ASAP2: variants seen among roughly 807,000 people sequenced by gnomAD.
ASAP2 encodes ArfGAP with SH3 domain, ankyrin repeat and PH domain 2, also known as arf-GAP with SH3 domain, ANK repeat and PH domain-containing protein 2.
A neutral mutation model predicts 131.4 loss-of-function variants in ASAP2; 45 were observed. The ratio of observed to expected loss-of-function variants is 0.34; its 90% confidence interval spans 0.27 to 0.44. ASAP2 has a LOEUF of 0.44. Ranked by LOEUF, ASAP2 falls within the 20% of genes least tolerant of loss-of-function variation. The probability of loss-of-function intolerance (pLI) is 1.00; values close to 1 mark genes in which losing one functional copy is unlikely to be tolerated. For synonymous variants in ASAP2, 510 were observed against 503.0 expected (o/e 1.01, Z -0.19); for missense variants, 1,011 against 1,297.0 (o/e 0.78, Z 3.39).
chr2:9,330,375 A>G (rs542285206), intron 7 of ASAP2, among the ~76,000 whole-genome samples: 2 of 152,342 alleles, frequency 1.3e-5, no homozygotes, highest in South Asian at 2.1e-4. Context: ...AGGCATACCC[A>G]TGGATGTAGA....
At chr2:9,211,325 A>C (rs1661533202) in intron 1 of ASAP2, among the ~76,000 whole-genome samples, 1 of 152,226 alleles carries the variant, frequency 6.6e-6, no homozygotes, top group Non-Finnish European at 1.5e-5. Flanking sequence ...TTTTGGAAAT[A>C]ATGGAAAAAA....
At chr2:9,394,292 G>A (rs981385413) in intron 24 of ASAP2, among the ~76,000 whole-genome samples, 1 of 150,966 alleles carries the variant, frequency 6.6e-6, no homozygotes, top group African/African-American at 2.4e-5. Context: ...AGCCTCCCGA[G>A]TAGCTGGGAC....
At chr2:9,307,412 C>G (rs927572486) in intron 3 of ASAP2, among the ~76,000 whole-genome samples, 2 of 152,212 alleles carry the variant, frequency 1.3e-5, no homozygotes, top group African/African-American at 4.8e-5. Context: ...AACCTGGATT[C>G]TTGGAGGTAA....
rs775376099 is a variant in ASAP2, at chr2:9,344,717, C to T, written c.954-14C>T. 1 of 1,613,954 alleles carries T rather than the reference C, an allele frequency of 6.2e-7. No homozygotes were observed. Among genetic ancestry groups the T allele is most frequent in the Non-Finnish European group, 8.5e-7 (1 of 1,179,860 alleles). The stretch of plus-strand genomic sequence containing the variant: ...ATGTCTAAACTCTTATTGTTTCTCC[C>T]ACTTATCCACAAGGATCCGAAAAGT... On this transcript the variant is annotated splice_polypyrimidine_tract_variant and intron_variant, in intron 10 of 27. Coordinates refer to ENST00000281419, the MANE Select transcript of ASAP2 (RefSeq NM_003887.3).
In ASAP2 at chr2:9,268,204, G is replaced by T. The variant is rs1020538811; in HGVS notation, c.127-11113G>T. Among the ~76,000 whole-genome samples the T allele has an allele frequency of 1.7e-4, 26 of 152,154 alleles. No homozygotes were observed. The highest frequency in any genetic ancestry group is 4.4e-5 in the Non-Finnish European group (3 of 68,034). ...TTCCGTTGCTGTGTAGCATTCTGTTGTACGAATGTCCATCATCAGTTTATT... is the reference window on the plus strand; with the variant it reads ...TTCCGTTGCTGTGTAGCATTCTGTTTTACGAATGTCCATCATCAGTTTATT... On this transcript the variant is annotated intron_variant, in intron 1 of 27. Coordinates refer to ENST00000281419, the MANE Select transcript of ASAP2 (RefSeq NM_003887.3). This position sits in a 1 kb window ranked among gnomAD's most constrained non-coding sequence, Gnocchi z 4.1.
intron 11 of ASAP2, among the ~76,000 whole-genome samples, chr2:9,347,357 G>A (rs1341665004): frequency 6.6e-6 from 1 of 152,156 alleles, no homozygotes; most frequent in Non-Finnish European, 1.5e-5. Context: ...CTTTTGGTTT[G>A]GTTTGGTTTT....
chr2:9,288,353 C>T (rs994479926), intron 2 of ASAP2, among the ~76,000 whole-genome samples: 27 of 152,164 alleles, frequency 1.8e-4, no homozygotes, highest in African/African-American at 6.0e-4. Flanking sequence ...TAGCTACTAT[C>T]TGAGGCTTTA....
chr2:9,324,863 T>C (rs1299196606), intron 6 of ASAP2, among the ~76,000 whole-genome samples: 1 of 152,232 alleles, frequency 6.6e-6, no homozygotes, highest in African/African-American at 2.4e-5. Flanking sequence ...GTTTTTCTTA[T>C]CAGTTTGACA....
At chr2:9,350,538 A>T in intron 11 of ASAP2, 1 of 337,320 alleles carries the variant, frequency 3.0e-6, no homozygotes, top group East Asian at 4.6e-5. Context: ...CAGCAGCCTC[A>T]AAGCTGGCAT....
At chr2:9,214,196 T>G (rs1395903632) in intron 1 of ASAP2, among the ~76,000 whole-genome samples, 1 of 152,198 alleles carries the variant, frequency 6.6e-6, no homozygotes, top group Non-Finnish European at 1.5e-5. Flanking sequence ...GGCCTCCAAG[T>G]GGATTGCTAG....
At position 9,220,057 on chromosome 2, in the gene ASAP2, G is replaced by A. The variant is rs566591537; in HGVS notation, c.126+12827G>A. ...TTGTACTTTATTTCTTTTTATGGCT[G>A]AATAATATTCTATCAAATGTGTATG... is the stretch of plus-strand genomic sequence containing the variant. On this transcript the variant is annotated intron_variant, in intron 1 of 27. Transcript: ENST00000281419. Among the ~76,000 whole-genome samples the A allele has an allele frequency of 3.9e-5, 6 of 152,212 alleles. 1 individual carries two copies. Among genetic ancestry groups the A allele is most frequent in the African/African-American group, 1.4e-4 (6 of 41,536 alleles).
At chr2:9,302,059 G>C (rs1363027273) in intron 3 of ASAP2, among the ~76,000 whole-genome samples, 1 of 149,330 alleles carries the variant, frequency 6.7e-6, no homozygotes, top group Non-Finnish European at 1.5e-5. Flanking sequence ...TCCTGACCTC[G>C]TGATCCACCC....
intron 1 of ASAP2, among the ~76,000 whole-genome samples, chr2:9,242,158 T>C (rs1316723121): frequency 2.0e-5 from 3 of 152,150 alleles, no homozygotes; most frequent in Non-Finnish European, 2.9e-5. Context: ...TGAAACTTTT[T>C]TTTTATTTGG....
At chr2:9,400,264 CTTCCT>C (rs1330749926) in intron 25 of ASAP2, among the ~76,000 whole-genome samples, 192 bp downstream of exon 25, 24 of 115,958 alleles carry the variant, frequency 2.1e-4, no homozygotes, top group African/African-American at 7.3e-4. Context: ...CTCCTGCCCT[CTTCCT>C]CTCCTTCCTT....
intron 9 of ASAP2, among the ~76,000 whole-genome samples, chr2:9,343,571 C>T (rs1298043246): frequency 2.0e-5 from 3 of 152,170 alleles, no homozygotes; most frequent in African/African-American, 4.8e-5. Context: ...TTCAGCCTCC[C>T]GCATACCTGG....
rs1677108667 is a variant in ASAP2 at position 9,405,169 on chromosome 2, C to G, written c.*1842C>G. 6.6e-6 allele frequency: 1 copy of G among 152,168 alleles called. No homozygotes were observed. The allele number at this position is 152,168 out of a possible 1,614,324, so 9.4% of individuals were successfully genotyped here. A position where few individuals can be genotyped will look rare whatever the true frequency, so the allele number is the denominator to read the frequency against. On this transcript the variant is annotated 3_prime_UTR_variant, in exon 28 of 28. Transcript: ENST00000281419. ...AATACCTAGGAAATATTTTTCCAGT[C>G]TACAATTTGGTGCTATTGTGCAGTA...
intron 15 of ASAP2, among the ~76,000 whole-genome samples, chr2:9,367,864 G>A (rs948722433): frequency 6.6e-6 from 1 of 152,236 alleles, no homozygotes; most frequent in African/African-American, 2.4e-5. Flanking sequence ...TAGTGTTTCA[G>A]TTTACTGTTT....
intron 2 of ASAP2, among the ~76,000 whole-genome samples, chr2:9,289,094 T>C (rs1425050923): frequency 6.6e-6 from 1 of 152,254 alleles, no homozygotes; most frequent in Non-Finnish European, 1.5e-5. Context: ...TTTGTCTTGC[T>C]AAGTTGTGTG....
chr2:9,387,956 AACTC>A (rs1337174729), intron 21 of ASAP2, among the ~76,000 whole-genome samples: 1 of 152,192 alleles, frequency 6.6e-6, no homozygotes, highest in Admixed American at 6.5e-5. Context: ...GTCTTGTGAG[AACTC>A]ACTATCCCAA....
Sources: allele counts gnomAD v4.1 joint callset (sites outside exome capture counted in the v4.1 genomes callset), GRCh38; gene constraint gnomAD v4.1.1; non-coding constraint Gnocchi (gnomAD v3.1); transcripts MANE v1.5; gene names NCBI Gene and HGNC (gene_info 2026-07-23, HGNC 2026-07-21).